Variants in ECE2 observed in about 807,000 individuals in gnomAD.
ECE2 encodes the protein endothelin converting enzyme 2.
In ECE2, 81 loss-of-function variants were observed where a neutral mutation model predicts 100.6. That is an observed-to-expected ratio of 0.81 (90% CI 0.67 to 0.97). The LOEUF (loss-of-function observed/expected upper bound fraction) is 0.97, where lower values mean the gene tolerates loss of function less well. Ranked by LOEUF, ECE2 falls within the 50% of genes least tolerant of loss-of-function variation. The pLI, the probability that ECE2 is intolerant of heterozygous loss-of-function variation, is 0.00. For missense variants in ECE2, 911 were observed against 988.1 expected (o/e 0.92, Z 1.05); for synonymous variants, 391 against 391.5 (o/e 1.00, Z 0.02).
Position 184,292,350 on chromosome 3 carries a change from G to C in ECE2, c.*112G>C, listed in dbSNP as rs969617442. 1.6e-6 allele frequency: 2 copies of C among 1,271,696 alleles called. No individual in the cohort carries two copies. The highest frequency in any genetic ancestry group is 2.2e-6 in the Non-Finnish European group (2 of 906,766). 78.8% of individuals were successfully genotyped at this position (1,271,696 alleles called of 1,614,324 possible). On this transcript the variant is annotated 3_prime_UTR_variant, in exon 19 of 19. Transcript: ENST00000404464. ...GCAAATGCAAGCTGGGCTGGGTCTA[G>C]TCCCTCCCCCCCACAGGTGACATGA...
chr3:184,284,103 AGCTGC>A, intron 8 of ECE2, 130 bp downstream of exon 8: 1 of 1,149,266 alleles, frequency 8.7e-7, no homozygotes. Flanking sequence ...TGTGCTCCCC[AGCTGC>A]ACTGCTGCTG....
At position 184,291,356 on chromosome 3, in the gene ECE2, T is replaced by C; in HGVS notation, c.2038T>C (p.Trp680Arg). The change falls in exon 18 of 19, where the codon TGG becomes CGG. Residue 680 changes from tryptophan to arginine, a missense_variant. Trp to Arg is a moderately radical substitution (Grantham distance 101). Coordinates refer to ENST00000404464, the MANE Select transcript of ECE2 (RefSeq NM_001100121.2). The surrounding 1 kb of genome is among the most constrained non-coding windows in gnomAD (Gnocchi z 4.1). ...LKAAYNAYKA[W>R]LRKHGEEQQL... ...GTTCTGTCCCCAGGCTTACAAAGCA[T>C]GGCTGAGAAAGCATGGGGAGGAGCA... 6.2e-7 allele frequency: 1 copy of C among 1,607,942 alleles called. No homozygotes were observed. Among genetic ancestry groups the C allele is most frequent in the African/African-American group, 1.3e-5 (1 of 74,958 alleles).
At chr3:184,286,173 G>T (rs916276052) in intron 10 of ECE2, among the ~76,000 whole-genome samples, 2 of 152,118 alleles carry the variant, frequency 1.3e-5, no homozygotes, top group African/African-American at 4.8e-5. Flanking sequence ...GAAAGCCGGG[G>T]AGAAGGGCAT....
In ECE2 at chr3:184,292,164, C is replaced by T. The variant is rs1187952369; in HGVS notation, c.2224C>T (p.Arg742Cys). Reference protein sequence around the residue: ...FRVLGTLSNSRDFLRHFGCPV... With the variant: ...FRVLGTLSNSCDFLRHFGCPV... ...CGTGCTGGGCACTCTCTCCAACTCC[C>T]GTGACTTCCTGCGGCACTTCGGCTG... is the stretch of plus-strand genomic sequence containing the variant. The change falls in exon 19 of 19, where the codon CGT becomes TGT. Residue 742 changes from arginine (R) to cysteine (C), a missense_variant. Physicochemically the swap from Arg to Cys is radical, Grantham distance 180 (BLOSUM62 -3). Transcript: ENST00000404464. 6 of 1,614,172 alleles carry T rather than the reference C, an allele frequency of 3.7e-6. No homozygotes were observed. The highest frequency in any genetic ancestry group is 5.1e-6 in the Non-Finnish European group (6 of 1,180,032).
At position 184,276,023 on chromosome 3, in the gene ECE2, C is replaced by T. The variant is rs565886995; in HGVS notation, c.-131C>T. On this transcript the variant is annotated 5_prime_UTR_variant, in exon 1 of 19. Coordinates refer to ENST00000404464, the MANE Select transcript of ECE2 (RefSeq NM_001100121.2). ...ACTCGGGCGGGGGGGGGGGCGGCCG[C>T]GGCCGAGCGGGGGTGCTGCGCGGCG... 2 of 1,044,564 alleles carry T rather than the reference C, an allele frequency of 1.9e-6. No individual in the cohort carries two copies. The highest frequency in any genetic ancestry group is 2.3e-6 in the Non-Finnish European group (2 of 864,374). 64.7% of individuals were successfully genotyped at this position (1,044,564 alleles called of 1,614,324 possible). A position where few individuals can be genotyped will look rare whatever the true frequency, so the allele number is the denominator to read the frequency against.
chr3:184,281,911 C>T (rs1720827911), intron 7 of ECE2, among the ~76,000 whole-genome samples: 1 of 152,192 alleles, frequency 6.6e-6, no homozygotes, highest in Admixed American at 6.5e-5. Flanking sequence ...CCAGCTTGGC[C>T]AACATGGCGA....
chr3:184,285,086 A>C lies in ECE2; in HGVS notation c.1129A>C (p.Ile377Leu). 6.2e-7 allele frequency: 1 copy of C among 1,614,132 alleles called. No homozygotes were observed. The highest frequency in any genetic ancestry group is 1.3e-5 in the African/African-American group (1 of 75,060). The change falls in exon 9 of 19, where the codon ATC becomes CTC. Residue 377 changes from isoleucine to leucine, a missense_variant. Ile to Leu is a conservative substitution (Grantham distance 5, BLOSUM62 2). Transcript: ENST00000404464. ...MDYLQQVSEL[I>L]NRTEPSILNN... ...TTATTTGCAGCAGGTGTCAGAGCTC[A>C]TCAACCGCACGGAACCAAGGTGTGG...
intron 7 of ECE2, among the ~76,000 whole-genome samples, chr3:184,280,978 CAAAA>C (rs879881453): frequency 9.1e-6 from 1 of 110,406 alleles, no homozygotes; most frequent in African/African-American, 3.4e-5. Flanking sequence ...GACTCTGTCT[CAAAA>C]AAAAAAAAAA....
chr3:184,291,067 T>A lies in ECE2; in HGVS notation c.1862T>A (p.Leu621Gln). Reference protein sequence around the residue: ...QGREYDKEGNLRPWWQNESLA... With the variant: ...QGREYDKEGNQRPWWQNESLA... ...CGCGAGTATGACAAAGAAGGGAACCTGCGGCCCTGGTGGCAGAATGAGTCC... is the reference window on the plus strand; with the variant it reads ...CGCGAGTATGACAAAGAAGGGAACCAGCGGCCCTGGTGGCAGAATGAGTCC... Residue 621 changes from leucine to glutamine, a missense_variant, in exon 17 of 19, where the codon CTG (leucine) becomes CAG (glutamine). Physicochemically the swap from Leu to Gln is moderately radical, Grantham distance 113. Transcript: ENST00000404464. The surrounding 1 kb of genome is among the most constrained non-coding windows in gnomAD (Gnocchi z 4.1). 1 of 1,580,572 alleles carries A rather than the reference T, an allele frequency of 6.3e-7. No homozygotes were observed.
At position 184,284,948 on chromosome 3, in the gene ECE2, A is replaced by AT; in HGVS notation, c.1006-8dup. On this transcript the variant is annotated splice_polypyrimidine_tract_variant and intron_variant, in intron 8 of 18. Coordinates refer to ENST00000404464, the MANE Select transcript of ECE2 (RefSeq NM_001100121.2). ...GCGAGTCGGGCAGGCAAGGCCTGAGATTTTTTTCTTTCAGGCTCTGGCGCC... is the reference window on the plus strand; with the variant it reads ...GCGAGTCGGGCAGGCAAGGCCTGAGATTTTTTTTCTTTCAGGCTCTGGCGCC... 2.5e-6 allele frequency: 4 copies of AT among 1,611,878 alleles called. No homozygotes were observed. The highest frequency in any genetic ancestry group is 3.4e-6 in the Non-Finnish European group (4 of 1,179,166).
Position 184,276,088 on chromosome 3 carries a change from G to T in ECE2, c.-66G>T. 8.0e-7 allele frequency: 1 copy of T among 1,247,038 alleles called. No homozygotes were observed. Among genetic ancestry groups the T allele is most frequent in the Non-Finnish European group, 1.0e-6 (1 of 996,246 alleles). 77.2% of individuals were successfully genotyped at this position (1,247,038 alleles called of 1,614,324 possible). A position where few individuals can be genotyped will look rare whatever the true frequency, so the allele number is the denominator to read the frequency against. On this transcript the variant is annotated 5_prime_UTR_variant, in exon 1 of 19. Transcript: ENST00000404464. ...TGACGGCGGGGCCGGGCAGGGGACC[G>T]GGGCCGCGGCCCGGGAGCGGGCCAG...
chr3:184,280,615 G>T (rs60370067), intron 7 of ECE2, among the ~76,000 whole-genome samples: 3 of 152,052 alleles, frequency 2.0e-5, no homozygotes, highest in Admixed American at 2.0e-4. Flanking sequence ...AGGCCAAGGC[G>T]ACCTGATTAC....
In ECE2 at chr3:184,287,985, A is replaced by C. The variant is rs1313482573; in HGVS notation, c.1374+38A>C. 3 of 1,586,524 alleles carry C rather than the reference A, an allele frequency of 1.9e-6. No individual in the cohort carries two copies. In the Admixed American group the frequency reaches 5.0e-5, roughly 27 times the overall value. On this transcript the variant is annotated intron_variant, in intron 11 of 18. Transcript: ENST00000404464. ...GATTCTTTCAACACTATGCCCTCAA[A>C]ATTGACTGTTCATGTATGTGCAGAC...
intron 16 of ECE2, 43 bp from the exon 17 acceptor site, chr3:184,290,997 C>A (rs764508667): frequency 1.9e-6 from 3 of 1,555,760 alleles, no homozygotes; most frequent in East Asian, 2.3e-5. Flanking sequence ...CCCCAAGAGA[C>A]GAGCTCTGGT....
rs1207067207 is a variant in ECE2 at position 184,291,446 on chromosome 3, C to T, written c.2121+7C>T. 1.3e-6 allele frequency: 2 copies of T among 1,573,416 alleles called. No homozygotes were observed. The highest frequency in any genetic ancestry group is 2.4e-5 in the South Asian group (2 of 83,204). ...CTTCGTGGGATTTGCCCAGGTATCA[C>T]CCTCTCGGAAGGCCTGGGGTCTGCC... On this transcript the variant is annotated splice_region_variant and intron_variant, in intron 18 of 18. Coordinates refer to ENST00000404464, the MANE Select transcript of ECE2 (RefSeq NM_001100121.2). This position sits in a 1 kb window ranked among gnomAD's most constrained non-coding sequence, Gnocchi z 4.1.
intron 10 of ECE2, among the ~76,000 whole-genome samples, chr3:184,285,975 A>G (rs1560185747): frequency 6.6e-6 from 1 of 152,194 alleles, no homozygotes. Context: ...AAGATGCCCC[A>G]TTAAGTGGGG....
At chr3:184,276,850 G>A in intron 2 of ECE2, 42 bp from the exon 3 acceptor site, 1 of 1,608,708 alleles carries the variant, frequency 6.2e-7, no homozygotes. Context: ...TTGGATCCCT[G>A]CCCTGCATCT....
Position 184,286,291 on chromosome 3 carries a change from G to A in ECE2, c.1263+699G>A, listed in dbSNP as rs114009038. ...GAGAAGAGGGCAACTGAGAGACGGGGTTTGGTAAGGTGGGCATGGGGCACT... is the reference window on the plus strand; with the variant it reads ...GAGAAGAGGGCAACTGAGAGACGGGATTTGGTAAGGTGGGCATGGGGCACT... On this transcript the variant is annotated intron_variant, in intron 10 of 18. Transcript: ENST00000404464. 5.4e-3 allele frequency among the ~76,000 whole-genome samples: 817 copies of A among 152,300 alleles called. 13 individuals are homozygous for A. Among genetic ancestry groups the A allele is most frequent in the African/African-American group, 0.018 (760 of 41,548 alleles).
intron 7 of ECE2, among the ~76,000 whole-genome samples, chr3:184,283,099 G>A (rs946075011): frequency 6.6e-6 from 1 of 152,134 alleles, no homozygotes; most frequent in African/African-American, 2.4e-5. Flanking sequence ...AAATGAGAAG[G>A]CAAAGCAGTA....
Sources: gnomAD v4.1 joint callset for allele counts (sites outside exome capture counted in the v4.1 genomes callset) on GRCh38, gnomAD v4.1.1 for gene constraint, Gnocchi (gnomAD v3.1) non-coding constraint, MANE v1.5 for transcripts, NCBI Gene and HGNC (gene_info 2026-07-23, HGNC 2026-07-21) for gene names.